PRMT8: variants seen among roughly 807,000 people sequenced by gnomAD.
PRMT8 encodes protein arginine N-methyltransferase 8.
Under a neutral mutation model 47.1 loss-of-function variants are expected in PRMT8, and 7 were observed. The ratio of observed to expected loss-of-function variants is 0.15; its 90% confidence interval spans 0.08 to 0.28. The LOEUF (loss-of-function observed/expected upper bound fraction) is 0.28. PRMT8 is among the 10% of genes least tolerant of loss of function. The pLI is 1.00. For synonymous variants in PRMT8, 188 were observed against 186.5 expected (o/e 1.01, Z -0.07); for missense variants, 237 against 505.4 (o/e 0.47, Z 5.09).
At position 3,385,958 on chromosome 12, in the gene PRMT8, T is replaced by C. The variant is rs537399039; in HGVS notation, c.48+4516T>C. Among the ~76,000 whole-genome samples, 4 of 152,360 alleles carry C rather than the reference T, an allele frequency of 2.6e-5. No individual in the cohort carries two copies. In the South Asian group the frequency reaches 8.3e-4, roughly 32 times the overall value. ...ATCCATCCACTCAGCCATTCTTTTGTTCAACAGTGATTTACTGAATTCCTT... is the reference window on the plus strand; with the variant it reads ...ATCCATCCACTCAGCCATTCTTTTGCTCAACAGTGATTTACTGAATTCCTT... On this transcript the variant is annotated intron_variant, in intron 1 of 9. Coordinates refer to the PRMT8 transcript ENST00000452611.
intron 4 of PRMT8, among the ~76,000 whole-genome samples, chr12:3,559,781 C>T (rs933591754): frequency 1.3e-5 from 2 of 152,200 alleles, no homozygotes; most frequent in Non-Finnish European, 2.9e-5. Flanking sequence ...ACATGGGCAC[C>T]CTCCTCTGCT....
At chr12:3,565,172 G>A (rs1187340436) in intron 4 of PRMT8, among the ~76,000 whole-genome samples, 1 of 152,174 alleles carries the variant, frequency 6.6e-6, no homozygotes, top group Non-Finnish European at 1.5e-5. Flanking sequence ...GAATCTTGCA[G>A]AATGCCTTAC....
At chr12:3,544,613 G>A (rs181449219) in intron 2 of PRMT8, among the ~76,000 whole-genome samples, 208 of 152,326 alleles carry the variant, frequency 1.4e-3, no homozygotes, top group Non-Finnish European at 2.5e-3. Context: ...AGGTATGGGC[G>A]GGAGGGGTCT....
At position 3,544,436 on chromosome 12, in the gene PRMT8, CT is replaced by C. The variant is rs566844871; in HGVS notation, c.261+3646del. Among the ~76,000 whole-genome samples, 9 of 152,322 alleles carry C rather than the reference CT, an allele frequency of 5.9e-5. No homozygotes were observed. In the South Asian group the frequency reaches 1.9e-3, roughly 32 times the overall value. On this transcript the variant is annotated intron_variant, in intron 2 of 9. Transcript: ENST00000382622. ...GGGGGTCTCCCCATTAGCAAACATACTCTCTGTTAGGTTTTGAAGGGAAGGC... is the reference window on the plus strand; with the variant it reads ...GGGGGTCTCCCCATTAGCAAACATACCTCTGTTAGGTTTTGAAGGGAAGGC...
chr12:3,507,306 A>C (rs1206597807), intron 1 of PRMT8, among the ~76,000 whole-genome samples: 2 of 151,968 alleles, frequency 1.3e-5, no homozygotes, highest in Non-Finnish European at 2.9e-5. Flanking sequence ...TATTTTTAGT[A>C]GAGATGGCGT....
At chr12:3,554,503 G>A (rs1866490189) in intron 4 of PRMT8, among the ~76,000 whole-genome samples, 1 of 152,208 alleles carries the variant, frequency 6.6e-6, no homozygotes, top group East Asian at 1.9e-4. Flanking sequence ...GAGAGGAACT[G>A]GTAGACAGGA....
chr12:3,498,247 A>G (rs1322929954), intron 1 of PRMT8, among the ~76,000 whole-genome samples: 1 of 152,266 alleles, frequency 6.6e-6, no homozygotes, highest in Non-Finnish European at 1.5e-5. Flanking sequence ...CTGGTAAGTG[A>G]TGAGGCTAGA....
chr12:3,386,605 C>T (rs184434320), intron 1 of PRMT8, among the ~76,000 whole-genome samples: 5 of 152,218 alleles, frequency 3.3e-5, no homozygotes, highest in East Asian at 1.9e-4. Flanking sequence ...GCTATTCGTT[C>T]GTTCAACAAT....
chr12:3,441,190 G>A (rs1864797903), intron 1 of PRMT8, among the ~76,000 whole-genome samples: 1 of 152,086 alleles, frequency 6.6e-6, no homozygotes, highest in Admixed American at 6.5e-5. Flanking sequence ...ATATTTTAAC[G>A]AGGGCAGACA....
Position 3,473,238 on chromosome 12 carries a change from C to A in PRMT8, c.49-67368C>A, listed in dbSNP as rs552831253. Among the ~76,000 whole-genome samples, 37 of 152,276 alleles carry A rather than the reference C, an allele frequency of 2.4e-4. 1 individual carries two copies. In the South Asian group the frequency reaches 7.5e-3, roughly 31 times the overall value. ...CAGCTCCCCTCTCCCCAAGAACATT[C>A]CATGCAACCCCTTGGGCTGAAATCC... On this transcript the variant is annotated intron_variant, in intron 1 of 9. Transcript: ENST00000452611.
At chr12:3,475,228 C>A (rs1353377284) in intron 1 of PRMT8, among the ~76,000 whole-genome samples, 2 of 152,014 alleles carry the variant, frequency 1.3e-5, no homozygotes, top group African/African-American at 4.8e-5. Context: ...GGAGTGGTGG[C>A]AGTCATGAAG....
intron 1 of PRMT8, among the ~76,000 whole-genome samples, chr12:3,537,406 T>C (rs1866138200): frequency 6.6e-6 from 1 of 152,244 alleles, no homozygotes; most frequent in African/African-American, 2.4e-5. Context: ...GTAAGAGCTC[T>C]CTACGTATTA....
chr12:3,480,837 C>CT (rs1370404160), intron 1 of PRMT8, among the ~76,000 whole-genome samples: 21 of 152,206 alleles, frequency 1.4e-4, no homozygotes, highest in Non-Finnish European at 1.5e-5. Flanking sequence ...ATTAGAGATT[C>CT]TTTCTCTTGT....
At chr12:3,489,835 G>A (rs58109623), upstream of PRMT8, among the ~76,000 whole-genome samples, 6,220 of 102,316 alleles carry the variant, frequency 0.061, 302 homozygotes, top group African/African-American at 0.15. Flanking sequence ...ACACACACAC[G>A]CGCGCACACA....
intron 1 of PRMT8, among the ~76,000 whole-genome samples, chr12:3,428,894 GTC>G (rs558747880): frequency 1.4e-5 from 2 of 143,072 alleles, no homozygotes; most frequent in African/African-American, 5.3e-5. Context: ...CTCTCCGCCT[GTC>G]TCTCTCTATC....
At chr12:3,541,817 G>T (rs940782185) in intron 2 of PRMT8, among the ~76,000 whole-genome samples, 7 of 152,108 alleles carry the variant, frequency 4.6e-5, no homozygotes, top group African/African-American at 1.4e-4. Flanking sequence ...TATATTATTG[G>T]TTCATTTATT....
chr12:3,478,298 A>ATCTG (rs1865237486), intron 1 of PRMT8, among the ~76,000 whole-genome samples: 1 of 148,894 alleles, frequency 6.7e-6, no homozygotes, highest in South Asian at 2.2e-4. Context: ...CTATCTATCT[A>ATCTG]TCTATCTATC....
chr12:3,536,084 A>G (rs562074726), intron 1 of PRMT8, among the ~76,000 whole-genome samples: 2 of 152,210 alleles, frequency 1.3e-5, no homozygotes, highest in Non-Finnish European at 2.9e-5. Flanking sequence ...ATTTGCCTGC[A>G]TAGGATCCAT....
At chr12:3,446,052 G>A (rs1401496865) in intron 1 of PRMT8, among the ~76,000 whole-genome samples, 3 of 152,076 alleles carry the variant, frequency 2.0e-5, no homozygotes, top group Non-Finnish European at 4.4e-5. Context: ...AGGCCCTCCT[G>A]GGGAAATGTG....
Sources: allele counts gnomAD v4.1 joint callset (sites outside exome capture counted in the v4.1 genomes callset), GRCh38; gene constraint gnomAD v4.1.1; transcripts MANE v1.5; gene names NCBI Gene and HGNC (gene_info 2026-07-23, HGNC 2026-07-21).